Variants in TSHZ3 observed in about 807,000 individuals in gnomAD.
The protein encoded by TSHZ3 is teashirt zinc finger homeobox 3.
In TSHZ3, 10 loss-of-function variants were observed where a neutral mutation model predicts 64.5. The ratio of observed to expected loss-of-function variants is 0.16; its 90% confidence interval spans 0.10 to 0.26. TSHZ3 has a LOEUF of 0.26. Ranked by LOEUF, TSHZ3 falls within the 10% of genes least tolerant of loss-of-function variation. TSHZ3 has a pLI of 1.00. For synonymous variants in TSHZ3, 608 were observed against 593.1 expected, an observed-to-expected ratio of 1.03 and a Z score of -0.36; for missense variants, 1,242 against 1,421.7, an observed-to-expected ratio of 0.87 and a Z score of 2.03.
intron 1 of TSHZ3, among the ~76,000 whole-genome samples, chr19:31,296,454 C>A: frequency 6.6e-6 from 1 of 151,450 alleles, no homozygotes; most frequent in Middle Eastern, 3.2e-3. Flanking sequence ...CCTGCCTCAG[C>A]CTCCCGAGTA....
chr19:31,157,964 C>T (rs1462624120), intron 5 of TSHZ3, among the ~76,000 whole-genome samples: 6 of 152,210 alleles, frequency 3.9e-5, no homozygotes. Context: ...CAATGAACAA[C>T]TTTGTCAACT....
intron 1 of TSHZ3, among the ~76,000 whole-genome samples, chr19:31,330,579 T>C (rs544109411): frequency 1.3e-5 from 2 of 152,286 alleles, no homozygotes; most frequent in African/African-American, 4.8e-5. Context: ...CACTCCCACC[T>C]TAACCAGCCA....
At chr19:31,183,689 G>T (rs577081683) in intron 5 of TSHZ3, among the ~76,000 whole-genome samples, 1 of 152,070 alleles carries the variant, frequency 6.6e-6, no homozygotes, top group Non-Finnish European at 1.5e-5. Context: ...CTGTAAGGAG[G>T]GAGAGGTGAG....
intron 1 of TSHZ3, among the ~76,000 whole-genome samples, chr19:31,261,899 C>T (rs1478963313): frequency 6.6e-6 from 1 of 152,166 alleles, no homozygotes; most frequent in African/African-American, 2.4e-5. Context: ...CGGAACCCTC[C>T]CTGTCTGCGA....
intron 1 of TSHZ3, among the ~76,000 whole-genome samples, chr19:31,320,546 G>C (rs558389594): frequency 1.1e-4 from 16 of 152,120 alleles, no homozygotes; most frequent in Non-Finnish European, 2.2e-4. Flanking sequence ...AGTTGTCCTC[G>C]GGTTGGGGGC....
At chr19:31,349,113 G>C in intron 1 of TSHZ3, 67 bp downstream of exon 1, 1 of 1,510,250 alleles carries the variant, frequency 6.6e-7, no homozygotes. Context: ...GGTCGCGCCC[G>C]CTGGAGGCGC....
At chr19:31,236,516 C>T (rs1160399437) in intron 3 of TSHZ3, among the ~76,000 whole-genome samples, 1 of 152,090 alleles carries the variant, frequency 6.6e-6, no homozygotes, top group Non-Finnish European at 1.5e-5. Flanking sequence ...TGTTCGAGTT[C>T]TTTTAAAATT....
intron 3 of TSHZ3, among the ~76,000 whole-genome samples, chr19:31,236,931 C>T (rs773155775): frequency 5.3e-5 from 8 of 152,148 alleles, no homozygotes; most frequent in Non-Finnish European, 1.0e-4. Context: ...GGAGGATCAC[C>T]TGAGCTCAGG....
At chr19:31,265,002 G>A (rs1002742452) in intron 1 of TSHZ3, among the ~76,000 whole-genome samples, 19 of 152,076 alleles carry the variant, frequency 1.2e-4, no homozygotes, top group African/African-American at 4.6e-4. Context: ...GTGGCCAGGA[G>A]GTTCTCAAGG....
chr19:31,160,360 AT>A (rs2145102472), intron 5 of TSHZ3, among the ~76,000 whole-genome samples: 1 of 152,302 alleles, frequency 6.6e-6, no homozygotes, highest in South Asian at 2.1e-4. Flanking sequence ...TCTGCGGTCT[AT>A]CTGCCCCTCT....
intron 1 of TSHZ3, among the ~76,000 whole-genome samples, chr19:31,346,128 G>A (rs1917585864): frequency 1.3e-5 from 2 of 152,148 alleles, no homozygotes; most frequent in Non-Finnish European, 2.9e-5. Flanking sequence ...AGGGATTCTT[G>A]GAGCCTGCTT....
chr19:31,203,791 C>A (rs1483416979), intron 5 of TSHZ3, among the ~76,000 whole-genome samples: 1 of 151,952 alleles, frequency 6.6e-6, no homozygotes, highest in Non-Finnish European at 1.5e-5. Flanking sequence ...TCTTCCCTTT[C>A]TTCTTCCCTC....
intron 6 of TSHZ3, among the ~76,000 whole-genome samples, chr19:31,154,789 A>G (rs945689998): frequency 6.6e-6 from 1 of 152,174 alleles, no homozygotes; most frequent in Admixed American, 6.5e-5. Context: ...GCTTCATTTG[A>G]GACCTGAAGT....
chr19:31,175,754 A>G (rs1236393640), intron 5 of TSHZ3, among the ~76,000 whole-genome samples: 2 of 152,178 alleles, frequency 1.3e-5, no homozygotes, highest in Non-Finnish European at 2.9e-5. Context: ...TGTTGCTCTG[A>G]GTGGAGGCGG....
chr19:31,299,464 C>A (rs564962186), intron 1 of TSHZ3, among the ~76,000 whole-genome samples: 2 of 152,254 alleles, frequency 1.3e-5, no homozygotes, highest in South Asian at 4.1e-4. Context: ...TTGTGGGATG[C>A]GGGTGTTTTT....
intron 1 of TSHZ3, among the ~76,000 whole-genome samples, chr19:31,325,292 C>T (rs980143508): frequency 9.2e-5 from 14 of 152,190 alleles, no homozygotes; most frequent in African/African-American, 3.4e-4. Context: ...AGGCTGGTCT[C>T]AGTTTTCCCG....
chr19:31,321,834 T>C (rs896333686), intron 1 of TSHZ3, among the ~76,000 whole-genome samples: 2 of 152,104 alleles, frequency 1.3e-5, no homozygotes, highest in African/African-American at 4.8e-5. Context: ...GTTTTTTCTT[T>C]TTCTTTTTTT....
intron 1 of TSHZ3, among the ~76,000 whole-genome samples, chr19:31,255,649 C>T (rs1428290872): frequency 6.6e-6 from 1 of 152,140 alleles, no homozygotes; most frequent in East Asian, 1.9e-4. Context: ...GTCACAGTCA[C>T]TCAAGCACCC....
exon 7 of TSHZ3, among the ~76,000 whole-genome samples, chr19:31,150,520 G>A (rs1042639476): frequency 6.6e-6 from 1 of 152,170 alleles, no homozygotes; most frequent in Non-Finnish European, 1.5e-5. Flanking sequence ...TTTGGCCTTT[G>A]GGGATACCCT....
Sources: gnomAD v4.1 joint callset for allele counts (sites outside exome capture counted in the v4.1 genomes callset) on GRCh38, gnomAD v4.1.1 for gene constraint, MANE v1.5 for transcripts, NCBI Gene and HGNC (gene_info 2026-07-23, HGNC 2026-07-21) for gene names.